The following CEP152 variants were observed in gnomAD, a reference collection of about 807,000 sequenced individuals.
CEP152 encodes centrosomal protein 152, also known as centrosomal protein of 152 kDa.
In CEP152, 132 loss-of-function variants were observed where a neutral mutation model predicts 188.9. The ratio of observed to expected loss-of-function variants is 0.70; its 90% confidence interval spans 0.61 to 0.81. The LOEUF is 0.81. Among genes scored for constraint, CEP152 ranks in the 30% least tolerant of loss-of-function variants. CEP152 has a pLI of 0.00. For missense variants in CEP152, 1,914 were observed against 1,969.8 expected (o/e 0.97, Z 0.54); for synonymous variants, 649 against 666.6 (o/e 0.97, Z 0.41).
At chr15:48,782,533 G>A (rs1225241241) in intron 10 of CEP152, among the ~76,000 whole-genome samples, 1 of 152,058 alleles carries the variant, frequency 6.6e-6, no homozygotes, top group Non-Finnish European at 1.5e-5. Context: ...CCTTTAATAG[G>A]AGCGTAACAC....
chr15:48,794,315 T>C (rs1191006048), intron 6 of CEP152, among the ~76,000 whole-genome samples: 1 of 152,200 alleles, frequency 6.6e-6, no homozygotes, highest in Non-Finnish European at 1.5e-5. Flanking sequence ...ATGATAAATA[T>C]TCTACTTACT....
chr15:48,772,764 G>T, intron 12 of CEP152, 73 bp from the exon 13 acceptor site: 2 of 1,275,704 alleles, frequency 1.6e-6, no homozygotes, highest in South Asian at 1.2e-5. Context: ...TAAAAGCACT[G>T]ACCACAGTGG....
At chr15:48,735,713 G>A (rs897440435), downstream of CEP152, among the ~76,000 whole-genome samples, 4 of 151,896 alleles carry the variant, frequency 2.6e-5, no homozygotes, top group East Asian at 3.9e-4. Context: ...CCAGCCTGGC[G>A]ACAGAGCAAG....
intron 20 of CEP152, among the ~76,000 whole-genome samples, chr15:48,755,573 T>G (rs1894193670): frequency 6.6e-6 from 1 of 152,192 alleles, no homozygotes; most frequent in Admixed American, 6.5e-5. Context: ...TAGGTATACA[T>G]GTGCCATGGT....
chr15:48,799,219 T>G (rs1897520203), intron 2 of CEP152, among the ~76,000 whole-genome samples: 1 of 152,058 alleles, frequency 6.6e-6, no homozygotes, highest in Non-Finnish European at 1.5e-5. Flanking sequence ...TACCTGTCAT[T>G]AGTACAAAAG....
Position 48,739,124 on chromosome 15 carries a change from G to GTT in CEP152, c.4257_4258insAA (p.Gln1420AsnfsTer5). ...TGCTCTGAGTTCTCTAACAGCCTTT[G>GTT]TAAGTTACAAGCTGCCCTCCTCTTG... On this transcript the variant is annotated frameshift_variant, in exon 27 of 27. Coordinates refer to ENST00000380950, the MANE Select transcript of CEP152 (RefSeq NM_001194998.2). LOFTEE classifies it low-confidence loss of function (END_TRUNC). The GTT allele has an allele frequency of 6.2e-7, 1 of 1,614,204 alleles. No homozygotes were observed. The highest frequency in any genetic ancestry group is 8.5e-7 in the Non-Finnish European group (1 of 1,180,018).
rs1897357804 is a variant in CEP152, at chr15:48,797,301, C to T, written c.540G>A (p.Gln180=). The T allele has an allele frequency of 6.2e-7, 1 of 1,613,940 alleles. No homozygotes were observed. The highest frequency in any genetic ancestry group is 8.5e-7 in the Non-Finnish European group (1 of 1,179,950). The change falls in exon 5 of 27, where the codon CAG becomes CAA. Residue 180 remains glutamine (Q), a splice_region_variant and synonymous_variant. Transcript: ENST00000380950. ...KFSDPQWNHF[Q]GPSCQGLEPY... is the part of the protein sequence containing the mutation. Reference sequence around the variant, plus strand: ...CTTGAAAGTCAAGTTTTTACAATACCTGAAAATGGTTCCATTGAGGATCTG... The same window carrying T: ...CTTGAAAGTCAAGTTTTTACAATACTTGAAAATGGTTCCATTGAGGATCTG...
In CEP152 at chr15:48,738,397, T is replaced by C. The variant is rs776286310; in HGVS notation, c.4985A>G (p.His1662Arg). 1.7e-5 allele frequency: 27 copies of C among 1,614,228 alleles called. No homozygotes were observed. The highest frequency in any genetic ancestry group is 3.3e-5 in the South Asian group (3 of 91,088). Reference sequence around the variant, plus strand: ...ATCTGACTTTAATCTATCAGCCTTATGACGAGATGGGTGTCCACAATTCAC... The same window carrying C: ...ATCTGACTTTAATCTATCAGCCTTACGACGAGATGGGTGTCCACAATTCAC... ...ISVNCGHPSR[H>R]KADRLKSDFK... The change falls in exon 27 of 27, where the codon CAT becomes CGT. Residue 1662 changes from histidine (H) to arginine (R), a missense_variant. By Grantham distance (29) the His-to-Arg change is conservative. Coordinates refer to ENST00000380950, the MANE Select transcript of CEP152 (RefSeq NM_001194998.2).
At position 48,741,604 on chromosome 15, in the gene CEP152, A is replaced by T; in HGVS notation, c.4090T>A (p.Ser1364Thr). The part of the protein sequence containing the change: ...SSKSQSKTTQ[S>T]ALPLTSEMLI... ...TTGGCGACTCACTTTGACATACCTG[A>T]CTGTGTAGTTTTGCTTTGGGACTTA... The change falls in exon 26 of 27, where the codon TCA (serine) becomes ACA (threonine). Residue 1364 changes from serine (S) to threonine (T), a missense_variant. Ser to Thr is a moderately conservative substitution (Grantham distance 58). Transcript: ENST00000380950. 6.2e-7 allele frequency: 1 copy of T among 1,614,156 alleles called. No individual in the cohort carries two copies. The highest frequency in any genetic ancestry group is 8.5e-7 in the Non-Finnish European group (1 of 1,180,016).
intron 8 of CEP152, among the ~76,000 whole-genome samples, chr15:48,790,758 G>A (rs1325849239): frequency 1.3e-5 from 2 of 152,114 alleles, no homozygotes; most frequent in East Asian, 3.9e-4. Flanking sequence ...AATAGAGACG[G>A]GGTTTCACAA....
Position 48,741,633 on chromosome 15 carries a change from G to C in CEP152, c.4061C>G (p.Ser1354Cys), listed in dbSNP as rs531199866. ...TMAKLLETPI[S>C]SKSQSKTTQS... ...TGTAGTTTTGCTTTGGGACTTACTAGAAATAGGTGTTTCCAGTAATTTTGC... is the reference window on the plus strand; with the variant it reads ...TGTAGTTTTGCTTTGGGACTTACTACAAATAGGTGTTTCCAGTAATTTTGC... Residue 1354 changes from serine to cysteine, a missense_variant, in exon 26 of 27, where the codon TCT becomes TGT. By Grantham distance (112) the Ser-to-Cys change is moderately radical. Transcript: ENST00000380950. 1.2e-6 allele frequency: 2 copies of C among 1,614,128 alleles called. No individual in the cohort carries two copies. The highest frequency in any genetic ancestry group is 1.7e-5 in the Admixed American group (1 of 60,022).
intron 12 of CEP152, among the ~76,000 whole-genome samples, chr15:48,775,036 A>G (rs1381180839): frequency 1.3e-5 from 2 of 152,124 alleles, no homozygotes; most frequent in Admixed American, 1.3e-4. Context: ...TAGGCTCAAT[A>G]GAGTATAGAG....
chr15:48,757,621 C>T (rs1894372073), intron 19 of CEP152, among the ~76,000 whole-genome samples: 1 of 152,108 alleles, frequency 6.6e-6, no homozygotes. Flanking sequence ...TGTCAAAAGA[C>T]AGAACTGGGC....
Position 48,780,724 on chromosome 15 carries a change from A to G in CEP152, c.1577+472T>C, listed in dbSNP as rs531488087. On this transcript the variant is annotated intron_variant, in intron 12 of 26. Coordinates refer to ENST00000380950, the MANE Select transcript of CEP152 (RefSeq NM_001194998.2). Reference sequence around the variant, plus strand: ...GCATAGCACTTAGTTGTTTCCAACAATGTTTCTTTCTCCCTGACCAGAAAA... The same window carrying G: ...GCATAGCACTTAGTTGTTTCCAACAGTGTTTCTTTCTCCCTGACCAGAAAA... 5.3e-5 allele frequency among the ~76,000 whole-genome samples: 8 copies of G among 152,316 alleles called. No individual in the cohort carries two copies. The South Asian group carries it at 1.4e-3, about 28-fold the overall frequency.
rs750195502 is a variant in CEP152, at chr15:48,738,808, C to T, written c.4574G>A (p.Arg1525His). The change falls in exon 27 of 27, where the codon CGC becomes CAC. Residue 1525 changes from arginine to histidine, a missense_variant. By Grantham distance (29) the Arg-to-His change is conservative. Transcript: ENST00000380950. ...TAAACCAAGTCTTTCATTAGAATCG[C>T]GAAAGGTTATATGCATGCATCCTGA... ...SESGCMHITF[R>H]DSNERLGLKV... The T allele has an allele frequency of 1.6e-5, 26 of 1,613,974 alleles. No homozygotes were observed. Among genetic ancestry groups the T allele is most frequent in the Admixed American group, 8.3e-5 (5 of 59,994 alleles).
chr15:48,760,323 C>A, intron 18 of CEP152, 57 bp from the exon 19 acceptor site: 1 of 1,590,198 alleles, frequency 6.3e-7, no homozygotes, highest in Non-Finnish European at 8.6e-7. Flanking sequence ...AAAAAAGATC[C>A]CATTTTTAAA....
chr15:48,738,770 AT>A lies in CEP152; in HGVS notation c.4611del (p.Lys1537AsnfsTer5), dbSNP rs1206578221. The A allele has an allele frequency of 6.2e-7, 1 of 1,614,190 alleles. No individual in the cohort carries two copies. The highest frequency in any genetic ancestry group is 8.5e-7 in the Non-Finnish European group (1 of 1,180,012). ...SNERLGLKVY[K>X]CNPLMESENA... ...TTTTCACTTTCCATTAGTGGATTGC[AT>A]TTATATACTTTTAAACCAAGTCTTT... On this transcript the variant is annotated frameshift_variant, in exon 27 of 27. Coordinates refer to ENST00000380950, the MANE Select transcript of CEP152 (RefSeq NM_001194998.2). LOFTEE classifies it low-confidence loss of function (END_TRUNC).
chr15:48,763,318 T>C (rs778512084), intron 17 of CEP152, among the ~76,000 whole-genome samples: 1 of 152,186 alleles, frequency 6.6e-6, no homozygotes, highest in Non-Finnish European at 1.5e-5. Flanking sequence ...GTATCTGAAG[T>C]TCTCCTACTG....
intron 10 of CEP152, chr15:48,783,413 G>A (rs1896402860): frequency 6.6e-6 from 1 of 151,914 alleles, no homozygotes; most frequent in Admixed American, 6.6e-5. Flanking sequence ...TATGAAAGAA[G>A]TTATACAAAG....
Sources: gnomAD v4.1 joint callset for allele counts (sites outside exome capture counted in the v4.1 genomes callset) on GRCh38, gnomAD v4.1.1 for gene constraint, MANE v1.5 for transcripts, NCBI Gene and HGNC (gene_info 2026-07-23, HGNC 2026-07-21) for gene names.